CHCHD3: variants seen among roughly 807,000 people sequenced by gnomAD.
CHCHD3 encodes coiled-coil-helix-coiled-coil-helix domain containing 3, also known as MICOS complex subunit MIC19.
In CHCHD3, 20 loss-of-function variants were observed where a neutral mutation model predicts 38.2. That is an observed-to-expected ratio of 0.52 (90% CI 0.37 to 0.76). CHCHD3 has a LOEUF of 0.76. Ranked by LOEUF, CHCHD3 falls within the 30% of genes least tolerant of loss-of-function variation. The pLI, the probability that CHCHD3 is intolerant of heterozygous loss-of-function variation, is 0.00. For synonymous variants in CHCHD3, 82 were observed against 100.0 expected (o/e 0.82, Z 1.07); for missense variants, 245 against 279.2 (o/e 0.88, Z 0.87).
intron 5 of CHCHD3, among the ~76,000 whole-genome samples, chr7:132,840,340 TTACTC>T (rs1245435841): frequency 3.9e-5 from 6 of 152,218 alleles, no homozygotes; most frequent in African/African-American, 1.4e-4. Context: ...AACTCCCAAA[TTACTC>T]TAATGAACTG....
At chr7:132,920,982 A>G (rs983525193) in intron 4 of CHCHD3, among the ~76,000 whole-genome samples, 1 of 152,140 alleles carries the variant, frequency 6.6e-6, no homozygotes, top group Non-Finnish European at 1.5e-5. Flanking sequence ...CTGGCTGGGG[A>G]AGGAGTACAG....
chr7:132,833,510 A>G (rs1018391807), intron 6 of CHCHD3, among the ~76,000 whole-genome samples: 4 of 152,204 alleles, frequency 2.6e-5, no homozygotes, highest in South Asian at 4.1e-4. Flanking sequence ...AATTTTTTAA[A>G]AAGATCATCA....
At chr7:132,916,222 C>T (rs1810101795) in intron 4 of CHCHD3, among the ~76,000 whole-genome samples, 1 of 152,146 alleles carries the variant, frequency 6.6e-6, no homozygotes. Context: ...CACTCTTCAT[C>T]CTAATTCCTT....
intron 4 of CHCHD3, among the ~76,000 whole-genome samples, chr7:132,914,220 C>T (rs1047259777): frequency 5.3e-5 from 8 of 151,518 alleles, no homozygotes; most frequent in Non-Finnish European, 1.0e-4. Flanking sequence ...AAACTCCTGA[C>T]CTCATGATCC....
chr7:132,848,600 T>C (rs1412528907), intron 5 of CHCHD3, among the ~76,000 whole-genome samples: 3 of 152,224 alleles, frequency 2.0e-5, no homozygotes, highest in East Asian at 1.9e-4. Context: ...TTAAAAGCTA[T>C]GGTTTTTTTT....
intron 4 of CHCHD3, among the ~76,000 whole-genome samples, chr7:132,938,973 T>C (rs1810697675): frequency 6.6e-6 from 1 of 152,194 alleles, no homozygotes; most frequent in Non-Finnish European, 1.5e-5. Flanking sequence ...AAACAGTACC[T>C]GCTAAGAAGG....
At chr7:132,874,638 G>A (rs950273689) in intron 5 of CHCHD3, among the ~76,000 whole-genome samples, 3 of 152,110 alleles carry the variant, frequency 2.0e-5, no homozygotes, top group African/African-American at 7.2e-5. Flanking sequence ...GGTTCTTCAG[G>A]CAAGTATGTA....
At chr7:132,897,060 T>C (rs182377420) in intron 4 of CHCHD3, among the ~76,000 whole-genome samples, 195 of 152,348 alleles carry the variant, frequency 1.3e-3, no homozygotes, top group Middle Eastern at 3.4e-3. Flanking sequence ...CTGTTGTGAG[T>C]ACAGAGTGGG....
chr7:132,972,438 C>G (rs1016687040), intron 4 of CHCHD3: 1 of 413,058 alleles, frequency 2.4e-6, no homozygotes, highest in Non-Finnish European at 3.3e-6. Flanking sequence ...ATAAACACAA[C>G]AAACCAAAAT....
Position 133,082,083 on chromosome 7 carries a change from C to T in CHCHD3, c.-146G>A. The stretch of plus-strand genomic sequence containing the variant: ...GACCCCCAGAAGCAAGGAGAAGGCG[C>T]CGGTCCTGAGCTCCCGCCTCCTCCG... On this transcript the variant is annotated 5_prime_UTR_variant, in exon 1 of 8. Transcript: ENST00000262570. 2.8e-6 allele frequency: 2 copies of T among 707,386 alleles called. No individual in the cohort carries two copies. The highest frequency in any genetic ancestry group is 2.3e-6 in the Non-Finnish European group (1 of 442,102). The allele number at this position is 707,386 out of a possible 1,614,324, so 43.8% of individuals were successfully genotyped here. A position where few individuals can be genotyped will look rare whatever the true frequency, so the allele number is the denominator to read the frequency against.
rs1417997305 is a variant in CHCHD3 at position 133,034,471 on chromosome 7, T to C, written c.170-9844A>G. 5.1e-6 allele frequency: 4 copies of C among 779,466 alleles called. No homozygotes were observed. The African/African-American group carries it at 7.0e-5, about 14-fold the overall frequency. 48.3% of individuals were successfully genotyped at this position (779,466 alleles called of 1,614,324 possible). A position where few individuals can be genotyped will look rare whatever the true frequency, so the allele number is the denominator to read the frequency against. The stretch of plus-strand genomic sequence containing the variant: ...TGATACTTTTAAAAAAATGCATCTA[T>C]AATTCTTTTCAAGTCCTTTCAGCAA... On this transcript the variant is annotated intron_variant, in intron 2 of 7. Coordinates refer to ENST00000262570, the MANE Select transcript of CHCHD3 (RefSeq NM_017812.4).
At chr7:132,848,641 A>G (rs1259480061) in intron 5 of CHCHD3, among the ~76,000 whole-genome samples, 2 of 152,184 alleles carry the variant, frequency 1.3e-5, no homozygotes, top group Non-Finnish European at 2.9e-5. Context: ...TAGTTTATCT[A>G]GAAGTTTTAA....
intron 2 of CHCHD3, among the ~76,000 whole-genome samples, chr7:133,029,961 A>C (rs1193646667): frequency 6.6e-6 from 1 of 152,126 alleles, no homozygotes; most frequent in East Asian, 1.9e-4. Flanking sequence ...TGGTCCATAA[A>C]GGAGCCAAAG....
chr7:132,875,365 A>G (rs1289769369), intron 5 of CHCHD3, among the ~76,000 whole-genome samples: 1 of 152,206 alleles, frequency 6.6e-6, no homozygotes, highest in Non-Finnish European at 1.5e-5. Context: ...AGGCACTATC[A>G]CAGTGATTAA....
At chr7:132,838,052 A>C (rs563619771) in intron 6 of CHCHD3, among the ~76,000 whole-genome samples, 1 of 152,330 alleles carries the variant, frequency 6.6e-6, no homozygotes, top group Non-Finnish European at 1.5e-5. Context: ...ACAAAAGTGA[A>C]TGGTTTCTAT....
In CHCHD3 at chr7:133,035,250, G is replaced by A. The variant is rs766576341; in HGVS notation, c.170-10623C>T. The A allele has an allele frequency of 6.2e-7, 1 of 1,613,498 alleles. No homozygotes were observed. The highest frequency in any genetic ancestry group is 8.5e-7 in the Non-Finnish European group (1 of 1,179,694). ...CCGTGGTGTGTCCTTTTTAGGCTGG[G>A]TCTCTGCAAACTTTTTAGCATCAAA... On this transcript the variant is annotated intron_variant, in intron 2 of 7. Transcript: ENST00000262570. The surrounding 1 kb of genome is among the most constrained non-coding windows in gnomAD (Gnocchi z 4.7).
intron 4 of CHCHD3, among the ~76,000 whole-genome samples, chr7:132,897,418 C>G (rs141600896): frequency 6.6e-6 from 1 of 152,152 alleles, no homozygotes; most frequent in African/African-American, 2.4e-5. Context: ...ACCAATTGGC[C>G]ACTCAACCTC....
At chr7:133,028,676 G>A (rs1751334347) in intron 2 of CHCHD3, among the ~76,000 whole-genome samples, 1 of 152,126 alleles carries the variant, frequency 6.6e-6, no homozygotes, top group African/African-American at 2.4e-5. Context: ...CACGAGGTCA[G>A]GAGTTTGAGA....
At position 133,029,090 on chromosome 7, in the gene CHCHD3, T is replaced by G. The variant is rs75734713; in HGVS notation, c.170-4463A>C. Among the ~76,000 whole-genome samples, 29 of 152,206 alleles carry G rather than the reference T, an allele frequency of 1.9e-4. No homozygotes were observed. In the East Asian group the frequency reaches 5.4e-3, roughly 28 times the overall value. On this transcript the variant is annotated intron_variant, in intron 2 of 7. Transcript: ENST00000262570. ...TAACAAATTTCTTTTCCTTATAAAT[T>G]ACCCAGTTTTACGTATTCTGTTATA...
Sources: allele counts gnomAD v4.1 joint callset (sites outside exome capture counted in the v4.1 genomes callset), GRCh38; gene constraint gnomAD v4.1.1; non-coding constraint Gnocchi (gnomAD v3.1); transcripts MANE v1.5; gene names NCBI Gene and HGNC (gene_info 2026-07-23, HGNC 2026-07-21).